POLDIP2: variants seen among roughly 807,000 people sequenced by gnomAD.
POLDIP2 encodes polymerase delta-interacting protein 2.
In POLDIP2, 32 loss-of-function variants were observed where a neutral mutation model predicts 52.9. The observed-to-expected ratio is 0.61, with a 90% CI of 0.46 to 0.81. The LOEUF (loss-of-function observed/expected upper bound fraction) is 0.81, where lower values mean the gene tolerates loss of function less well. POLDIP2 is among the 40% of genes least tolerant of loss of function. POLDIP2 has a pLI of 0.00. For synonymous variants in POLDIP2, 183 were observed against 183.0 expected (o/e 1.00, Z 0.00); for missense variants, 371 against 477.3 (o/e 0.78, Z 2.07).
At position 28,352,975 on chromosome 17, in the gene POLDIP2, T is replaced by C. The variant is rs781907422; in HGVS notation, c.559A>G (p.Thr187Ala). 2.7e-6 allele frequency: 4 copies of C among 1,476,352 alleles called. 1 individual carries two copies. The highest frequency in any genetic ancestry group is 2.3e-5 in the South Asian group (2 of 88,294). 91.5% of individuals were successfully genotyped at this position (1,476,352 alleles called of 1,614,324 possible). A position where few individuals can be genotyped will look rare whatever the true frequency, so the allele number is the denominator to read the frequency against. Residue 187 changes from threonine to alanine, a missense_variant, in exon 6 of 11, where the codon ACT becomes GCT. Transcript: ENST00000540200. ...TCATGTTGGATGGGAACCTGATCAG[T>C]GGAGGTGTAGGGGAGGATGTCTTCA... The part of the protein sequence containing the change: ...SHEDILPYTS[T>A]DQVPIQHELF...
Position 28,354,536 on chromosome 17 carries a change from C to T in POLDIP2, c.293G>A (p.Trp98Ter). 6.4e-7 allele frequency: 1 copy of T among 1,562,860 alleles called. No individual in the cohort carries two copies. Among genetic ancestry groups the T allele is most frequent in the Non-Finnish European group, 8.7e-7 (1 of 1,153,522 alleles). Reference sequence around the variant, plus strand: ...ATCCCGGTCATACAGTCTGGCCTGCCAGGGAAACAGGACGACACCTCGGTA... The same window carrying T: ...ATCCCGGTCATACAGTCTGGCCTGCTAGGGAAACAGGACGACACCTCGGTA... ...FGYRGVVLFP[W>*]QARLYDRDVA... The change falls in exon 3 of 11, where the codon TGG (tryptophan) becomes TAG (stop). Residue 98 changes from tryptophan (W) to a stop codon, truncating the protein, a stop_gained. Coordinates refer to ENST00000540200, the MANE Select transcript of POLDIP2 (RefSeq NM_015584.5). LOFTEE classifies it high-confidence loss of function.
Position 28,354,597 on chromosome 17 carries a change from G to C in POLDIP2, c.244-12C>G. 6.5e-7 allele frequency: 1 copy of C among 1,538,922 alleles called. No homozygotes were observed. The highest frequency in any genetic ancestry group is 8.8e-7 in the Non-Finnish European group (1 of 1,134,988). The stretch of plus-strand genomic sequence containing the variant: ...CTATGAAGGAAAAGCTGGAAGGAAA[G>C]AGGGGCCTCAGTGAGTCTGCAGTCC... On this transcript the variant is annotated splice_polypyrimidine_tract_variant and intron_variant, in intron 2 of 10. Transcript: ENST00000540200.
chr17:28,352,696 G>A (rs573053926), intron 6 of POLDIP2, among the ~76,000 whole-genome samples: 37 of 151,938 alleles, frequency 2.4e-4, no homozygotes, highest in Admixed American at 5.9e-4. Context: ...CCACCACCAC[G>A]CCCAGCTAAT....
chr17:28,355,209 C>T (rs1907966511), intron 2 of POLDIP2, among the ~76,000 whole-genome samples: 1 of 152,242 alleles, frequency 6.6e-6, no homozygotes, highest in Non-Finnish European at 1.5e-5. Flanking sequence ...CTTGGCTAAA[C>T]CTCACTATAG....
chr17:28,350,578 GGA>G lies in POLDIP2; in HGVS notation c.787-17_787-16del, dbSNP rs782271056. ...CAGTAGCGCCACTGAGGTGGGTGTG[GGA>G]GAGAGAGTTTAAAAAAAATAAAATT... On this transcript the variant is annotated splice_polypyrimidine_tract_variant and intron_variant, in intron 8 of 10. Transcript: ENST00000540200. 2.5e-6 allele frequency: 4 copies of G among 1,603,496 alleles called. No individual in the cohort carries two copies. Among genetic ancestry groups the G allele is most frequent in the Middle Eastern group, 1.7e-4 (1 of 5,982 alleles).
chr17:28,352,983 T>TA lies in POLDIP2; in HGVS notation c.550dup (p.Tyr184LeufsTer5). ...GATGGGAACCTGATCAGTGGAGGTG[T>TA]AGGGGAGGATGTCTTCATGGCTGAC... On this transcript the variant is annotated frameshift_variant, in exon 6 of 11. Transcript: ENST00000540200. LOFTEE classifies it high-confidence loss of function. 1 of 1,363,794 alleles carries TA rather than the reference T, an allele frequency of 7.3e-7. No homozygotes were observed. The highest frequency in any genetic ancestry group is 1.1e-6 in the Non-Finnish European group (1 of 951,600). The allele number at this position is 1,363,794 out of a possible 1,614,324, so 84.5% of individuals were successfully genotyped here.
At chr17:28,350,590 T>TA (rs782043773) in intron 8 of POLDIP2, 27 bp from the exon 9 acceptor site, 38 of 1,597,766 alleles carry the variant, frequency 2.4e-5, no homozygotes, top group African/African-American at 4.1e-5. Context: ...AGAGAGAGTT[T>TA]AAAAAAAATA....
intron 9 of POLDIP2, among the ~76,000 whole-genome samples, chr17:28,349,994 C>T (rs113418845): frequency 2.6e-5 from 4 of 152,252 alleles, no homozygotes; most frequent in Middle Eastern, 3.4e-3. Flanking sequence ...GTTGGGTAGG[C>T]AGGGATTATA....
At chr17:28,357,204 G>T (rs1254916143) in intron 1 of POLDIP2, 84 bp downstream of exon 1, 2 of 1,293,682 alleles carry the variant, frequency 1.5e-6, no homozygotes, top group Non-Finnish European at 2.1e-6. Flanking sequence ...CAGCAGGCCC[G>T]GGCCCCTGGC....
rs782153561 is a variant in POLDIP2, at chr17:28,353,811, G to A, written c.342-20C>T. ...TCTGCTCTATGGGGTGGGAGAAGGA[G>A]GCCAAGATCACCCCAGGAGAAATGG... On this transcript the variant is annotated intron_variant, in intron 3 of 10. Transcript: ENST00000540200. The A allele has an allele frequency of 1.5e-5, 22 of 1,511,046 alleles. 1 individual carries two copies. The South Asian group carries it at 2.4e-4, about 16-fold the overall frequency. The allele number at this position is 1,511,046 out of a possible 1,614,324, so 93.6% of individuals were successfully genotyped here. A position where few individuals can be genotyped will look rare whatever the true frequency, so the allele number is the denominator to read the frequency against.
At chr17:28,348,876 G>A (rs1907688027) in intron 10 of POLDIP2, among the ~76,000 whole-genome samples, 1 of 152,198 alleles carries the variant, frequency 6.6e-6, no homozygotes, top group Non-Finnish European at 1.5e-5. Flanking sequence ...TTTAGCCTAA[G>A]TCCTCAGTCC....
chr17:28,349,029 A>C, intron 10 of POLDIP2, 54 bp downstream of exon 10: 1 of 1,304,250 alleles, frequency 7.7e-7, no homozygotes, highest in Non-Finnish European at 1.1e-6. Flanking sequence ...TTTCTGACCT[A>C]CAGCTTCTGT....
rs782081613 is a variant in POLDIP2 at position 28,355,755 on chromosome 17, C to G, written c.243+40G>C. 8 of 1,475,620 alleles carry G rather than the reference C, an allele frequency of 5.4e-6. No homozygotes were observed. The Admixed American group carries it at 1.4e-4, about 27-fold the overall frequency. The allele number at this position is 1,475,620 out of a possible 1,614,324, so 91.4% of individuals were successfully genotyped here. A position where few individuals can be genotyped will look rare whatever the true frequency, so the allele number is the denominator to read the frequency against. On this transcript the variant is annotated intron_variant, in intron 2 of 10. Coordinates refer to ENST00000540200, the MANE Select transcript of POLDIP2 (RefSeq NM_015584.5). ...AATCTGACTTTTTTCAGAAGCAGAG[C>G]ACTCTATGAAAATGAAAGATGACCC... is the stretch of plus-strand genomic sequence containing the variant.
rs781849812 is a variant in POLDIP2, at chr17:28,351,814, C to G, written c.623-14G>C. On this transcript the variant is annotated splice_polypyrimidine_tract_variant and intron_variant, in intron 6 of 10. Transcript: ENST00000540200. The stretch of plus-strand genomic sequence containing the variant: ...CAAAAGGAGGTGCTGGGGCAAGATA[C>G]AATTGGTTAGTCCAATTGTGTGTTG... 6.2e-7 allele frequency: 1 copy of G among 1,612,224 alleles called. No homozygotes were observed. The highest frequency in any genetic ancestry group is 8.5e-7 in the Non-Finnish European group (1 of 1,178,520).
At chr17:28,357,160 G>A in intron 1 of POLDIP2, 128 bp downstream of exon 1, 1 of 912,754 alleles carries the variant, frequency 1.1e-6, no homozygotes, top group South Asian at 1.9e-5. Flanking sequence ...CTCCCTGCTC[G>A]GGACCCTCTC....
At chr17:28,353,938 T>G in intron 3 of POLDIP2, 147 bp from the exon 4 acceptor site, 1 of 641,612 alleles carries the variant, frequency 1.6e-6, no homozygotes. Flanking sequence ...CTGCAGCACC[T>G]CAGCTCAGCT....
chr17:28,357,512 GCC>G lies in POLDIP2; in HGVS notation c.-66_-65del. On this transcript the variant is annotated 5_prime_UTR_variant, in exon 1 of 11. Coordinates refer to ENST00000540200, the MANE Select transcript of POLDIP2 (RefSeq NM_015584.5). ...CCGACCCGCGGCCGGGCGGCGTTCC[GCC>G]CCAGTCCCACACTGCCCCGCGCGGC... 1 of 1,440,880 alleles carries G rather than the reference GCC, an allele frequency of 6.9e-7. No homozygotes were observed. Among genetic ancestry groups the G allele is most frequent in the Non-Finnish European group, 9.0e-7 (1 of 1,106,742 alleles). 89.3% of individuals were successfully genotyped at this position (1,440,880 alleles called of 1,614,324 possible). A position where few individuals can be genotyped will look rare whatever the true frequency, so the allele number is the denominator to read the frequency against.
intron 6 of POLDIP2, among the ~76,000 whole-genome samples, chr17:28,352,105 C>G (rs1907815530): frequency 6.6e-6 from 1 of 152,102 alleles, no homozygotes; most frequent in South Asian, 2.1e-4. Context: ...TGTCATCATC[C>G]CTGATCCTCA....
At chr17:28,350,604 T>C (rs1016919348) in intron 8 of POLDIP2, 41 bp from the exon 9 acceptor site, 2 of 1,600,886 alleles carry the variant, frequency 1.2e-6, no homozygotes, top group African/African-American at 2.7e-5. Flanking sequence ...AAAAATAAAA[T>C]TTGGGTAACC....
Sources: allele counts gnomAD v4.1 joint callset (sites outside exome capture counted in the v4.1 genomes callset), GRCh38; gene constraint gnomAD v4.1.1; transcripts MANE v1.5; gene names NCBI Gene and HGNC (gene_info 2026-07-23, HGNC 2026-07-21).